Variants in TENM2 observed in about 807,000 individuals in gnomAD.
The protein encoded by TENM2 is teneurin-2.
A neutral mutation model predicts 245.2 loss-of-function variants in TENM2; 52 were observed. The observed-to-expected ratio is 0.21, with a 90% CI of 0.17 to 0.27. The LOEUF is 0.27. Among genes scored for constraint, TENM2 ranks in the 10% least tolerant of loss-of-function variants. The probability of loss-of-function intolerance (pLI) is 1.00; values close to 1 mark genes in which losing one functional copy is unlikely to be tolerated. For missense variants in TENM2, 3,046 were observed against 3,666.8 expected, an observed-to-expected ratio of 0.83 and a Z score of 4.37; for synonymous variants, 1,363 against 1,438.9, an observed-to-expected ratio of 0.95 and a Z score of 1.19.
rs112286096 is a variant in TENM2, at chr5:167,973,137, T to C, written c.948-19807T>C. 4.2e-3 allele frequency among the ~76,000 whole-genome samples: 646 copies of C among 152,330 alleles called. 7 individuals are homozygous for C. Among genetic ancestry groups the C allele is most frequent in the African/African-American group, 0.014 (601 of 41,568 alleles). ...TCAAGTTTCTGAATCCCAAGAGAAA[T>C]GCCTAGTAAGGCGGTATGATTGTTT... On this transcript the variant is annotated intron_variant, in intron 4 of 28. Coordinates refer to ENST00000518659, the Ensembl canonical transcript of TENM2.
At chr5:167,005,862 A>G in the TENM2 span, among the ~76,000 whole-genome samples, 2 of 151,656 alleles carry the variant, frequency 1.3e-5, no homozygotes, top group East Asian at 3.9e-4. Flanking sequence ...GAGCTTCACC[A>G]TGTTGGTCAG....
the TENM2 span, among the ~76,000 whole-genome samples, chr5:167,197,559 T>A: frequency 6.6e-6 from 1 of 152,108 alleles, no homozygotes; most frequent in Non-Finnish European, 1.5e-5. Flanking sequence ...GTTTTCATTG[T>A]AAACTGCATT....
intron 2 of TENM2, among the ~76,000 whole-genome samples, chr5:167,440,507 C>A (rs1000109392): frequency 6.6e-6 from 1 of 151,900 alleles, no homozygotes; most frequent in Non-Finnish European, 1.5e-5. Context: ...CTGTACATAT[C>A]ATTTCTGTTC....
At chr5:168,036,039 C>T (rs1345072079) in intron 5 of TENM2, among the ~76,000 whole-genome samples, 1 of 152,130 alleles carries the variant, frequency 6.6e-6, no homozygotes, top group Non-Finnish European at 1.5e-5. Flanking sequence ...TCTGAGCATG[C>T]AGGTCAGGGA....
intron 24 of TENM2, among the ~76,000 whole-genome samples, chr5:168,227,491 A>AGG (rs1161222938): frequency 1.2e-5 from 1 of 82,496 alleles, no homozygotes; most frequent in Non-Finnish European, 2.1e-5. Flanking sequence ...AGGCAAAAGG[A>AGG]GGAAAACTGA....
chr5:167,375,253 C>T (rs1760677941), exon 2 of TENM2: 1 of 1,551,710 alleles, frequency 6.4e-7, no homozygotes, highest in Non-Finnish European at 8.7e-7. Context: ...CACACCGAAG[C>T]GGCTACTGCT....
chr5:167,656,067 A>C (rs907066514), intron 2 of TENM2, among the ~76,000 whole-genome samples: 5 of 152,218 alleles, frequency 3.3e-5, no homozygotes, highest in African/African-American at 1.2e-4. Flanking sequence ...GAACCAGTGG[A>C]AGCCAGAATT....
At chr5:168,138,509 G>A (rs1385128452) in intron 12 of TENM2, among the ~76,000 whole-genome samples, 3 of 152,218 alleles carry the variant, frequency 2.0e-5, no homozygotes, top group Non-Finnish European at 2.9e-5. Context: ...AGAAAGAGAA[G>A]CCAAGGGTGC....
intron 2 of TENM2, among the ~76,000 whole-genome samples, chr5:167,759,916 T>G (rs902767928): frequency 6.6e-6 from 1 of 152,080 alleles, no homozygotes; most frequent in South Asian, 2.1e-4. Context: ...TAAAAAAACA[T>G]AGATTCTGTT....
At chr5:167,408,804 A>G (rs1762759755) in intron 2 of TENM2, among the ~76,000 whole-genome samples, 2 of 150,188 alleles carry the variant, frequency 1.3e-5, no homozygotes, top group South Asian at 4.2e-4. Context: ...ATATATATAT[A>G]ATTTAATATG....
rs151299038 is a variant in TENM2 at position 168,156,002 on chromosome 5, G to A, written c.2423-6609G>A. Reference sequence around the variant, plus strand: ...CTTGAATGTCTGTTACGTGCCAACCGTTCTTCTAGACCCTGAGAATATCTC... The same window carrying A: ...CTTGAATGTCTGTTACGTGCCAACCATTCTTCTAGACCCTGAGAATATCTC... On this transcript the variant is annotated intron_variant, in intron 12 of 28. Coordinates refer to ENST00000518659, the Ensembl canonical transcript of TENM2. 2.5e-4 allele frequency among the ~76,000 whole-genome samples: 37 copies of A among 149,804 alleles called. 1 individual carries two copies. The East Asian group carries it at 4.7e-3, about 19-fold the overall frequency.
At chr5:167,598,915 G>A (rs369020451) in intron 2 of TENM2, among the ~76,000 whole-genome samples, 2 of 152,130 alleles carry the variant, frequency 1.3e-5, no homozygotes, top group Non-Finnish European at 2.9e-5. Flanking sequence ...TACATTAAGG[G>A]TTCTTTTGAA....
chr5:168,215,057 A>G, exon 21 of TENM2: 1 of 1,613,774 alleles, frequency 6.2e-7, no homozygotes, highest in Non-Finnish European at 8.5e-7. Context: ...CCAGCACACA[A>G]GTACTACTTG....
chr5:167,010,506 G>A, the TENM2 span, among the ~76,000 whole-genome samples: 1 of 152,218 alleles, frequency 6.6e-6, no homozygotes, highest in African/African-American at 2.4e-5. Flanking sequence ...GGATGGCAGT[G>A]CTAGGTGAAA....
intron 2 of TENM2, among the ~76,000 whole-genome samples, chr5:167,448,234 C>A (rs1244010510): frequency 6.6e-6 from 1 of 151,900 alleles, no homozygotes; most frequent in Non-Finnish European, 1.5e-5. Context: ...ACCAAAGACA[C>A]CATGGATGTG....
At chr5:167,713,680 A>G (rs904020014) in intron 2 of TENM2, among the ~76,000 whole-genome samples, 2 of 151,758 alleles carry the variant, frequency 1.3e-5, no homozygotes, top group Admixed American at 6.6e-5. Context: ...GTTTATACAC[A>G]TATGCACACA....
At chr5:168,139,626 G>T (rs1480103058) in intron 12 of TENM2, 5 of 452,706 alleles carry the variant, frequency 1.1e-5, no homozygotes, top group African/African-American at 2.0e-5. Flanking sequence ...AAGTATCTGT[G>T]TTGATTCAGG....
chr5:167,157,325 A>G, the TENM2 span, among the ~76,000 whole-genome samples: 1 of 152,314 alleles, frequency 6.6e-6, no homozygotes, highest in East Asian at 1.9e-4. Context: ...ATAAGTGTTT[A>G]TTGATAAGCC....
chr5:167,445,369 A>AGAGAGAGAGTGAGTGTGAGT (rs35699708), intron 2 of TENM2, among the ~76,000 whole-genome samples: 2 of 98,578 alleles, frequency 2.0e-5, no homozygotes, highest in African/African-American at 1.0e-4. Context: ...AGAGAGAGAG[A>AGAGAGAGAGTGAGTGTGAGT]GTGTCAGGTG....
Sources: gnomAD v4.1 joint callset for allele counts (sites outside exome capture counted in the v4.1 genomes callset) on GRCh38, gnomAD v4.1.1 for gene constraint, MANE v1.5 for transcripts, NCBI Gene and HGNC (gene_info 2026-07-23, HGNC 2026-07-21) for gene names.